Variants in GSPT1 observed in about 807,000 individuals in gnomAD.
GSPT1 encodes G1 to S phase transition 1.
In GSPT1, 20 loss-of-function variants were observed where a neutral mutation model predicts 72.5. That is an observed-to-expected ratio of 0.28 (90% CI 0.19 to 0.40). GSPT1 has a LOEUF of 0.40. Among genes scored for constraint, GSPT1 ranks in the 10% least tolerant of loss-of-function variants. GSPT1 has a pLI of 1.00. For synonymous variants in GSPT1, 334 were observed against 293.5 expected (o/e 1.14, Z -1.41); for missense variants, 580 against 811.9 (o/e 0.71, Z 3.47).
intron 4 of GSPT1, among the ~76,000 whole-genome samples, chr16:11,895,777 C>A (rs557356865): frequency 1.3e-5 from 2 of 152,170 alleles, no homozygotes; most frequent in African/African-American, 4.8e-5. Context: ...CAGGCTCATG[C>A]CACCACACCT....
intron 10 of GSPT1, among the ~76,000 whole-genome samples, chr16:11,883,652 C>T (rs982809071): frequency 3.3e-5 from 5 of 150,344 alleles, no homozygotes; most frequent in Admixed American, 6.7e-5. Context: ...CAGTGGCTCA[C>T]GCCTGTAATC....
intron 1 of GSPT1, among the ~76,000 whole-genome samples, chr16:11,906,890 A>T (rs540136680): frequency 6.6e-6 from 1 of 152,294 alleles, no homozygotes; most frequent in South Asian, 2.1e-4. Context: ...CCCATCTCTG[A>T]ACAAAAATTT....
chr16:11,893,272 T>C (rs2054293082), intron 5 of GSPT1, among the ~76,000 whole-genome samples: 1 of 152,052 alleles, frequency 6.6e-6, no homozygotes, highest in Non-Finnish European at 1.5e-5. Flanking sequence ...AGACCCTGTC[T>C]CTTAAAATAA....
At chr16:11,903,613 G>C (rs1396870510) in intron 1 of GSPT1, among the ~76,000 whole-genome samples, 2 of 152,178 alleles carry the variant, frequency 1.3e-5, no homozygotes, top group African/African-American at 4.8e-5. Context: ...CTTGAACCCG[G>C]GAGGTGGAGG....
At chr16:11,891,368 AT>A (rs199882055) in intron 5 of GSPT1, among the ~76,000 whole-genome samples, 19 of 144,290 alleles carry the variant, frequency 1.3e-4, no homozygotes, top group South Asian at 4.2e-4. Context: ...ATATATATAT[AT>A]TTTTTTTTTT....
chr16:11,909,873 C>A (rs551708352), intron 1 of GSPT1, among the ~76,000 whole-genome samples: 1 of 152,098 alleles, frequency 6.6e-6, no homozygotes, highest in Admixed American at 6.6e-5. Context: ...TTACGGTGAG[C>A]CGAGTTAGGG....
intron 5 of GSPT1, among the ~76,000 whole-genome samples, chr16:11,894,135 G>C (rs2054304313): frequency 9.2e-6 from 1 of 108,352 alleles, no homozygotes. Flanking sequence ...CAGCCTTGGT[G>C]ACAGAATGAG....
At chr16:11,879,950 C>T (rs1315884578) in intron 11 of GSPT1, among the ~76,000 whole-genome samples, 5 of 152,076 alleles carry the variant, frequency 3.3e-5, no homozygotes. Context: ...AAATATTGTA[C>T]AACCAATATT....
chr16:11,888,946 C>A (rs1407159087), intron 6 of GSPT1, among the ~76,000 whole-genome samples: 1 of 152,132 alleles, frequency 6.6e-6, no homozygotes, highest in Non-Finnish European at 1.5e-5. Flanking sequence ...CTTATTACTT[C>A]ATTTTTATAC....
chr16:11,870,561 T>C lies in GSPT1; in HGVS notation c.*2558A>G, dbSNP rs2053967375. On this transcript the variant is annotated 3_prime_UTR_variant, in exon 15 of 15. Transcript: ENST00000434724. ...ATTTGCAGAAAACAGAATGACAGCATAGGAATTTGTATTGCTCTATAACGG... is the reference window on the plus strand; with the variant it reads ...ATTTGCAGAAAACAGAATGACAGCACAGGAATTTGTATTGCTCTATAACGG... 1.3e-5 allele frequency: 2 copies of C among 152,220 alleles called. No individual in the cohort carries two copies. Among genetic ancestry groups the C allele is most frequent in the Admixed American group, 1.3e-4 (2 of 15,268 alleles). 9.4% of individuals were successfully genotyped at this position (152,220 alleles called of 1,614,324 possible).
Position 11,915,748 on chromosome 16 carries a change from C to G in GSPT1, c.-28G>C, listed in dbSNP as rs551379106. 9 of 1,544,876 alleles carry G rather than the reference C, an allele frequency of 5.8e-6. No homozygotes were observed. Among genetic ancestry groups the G allele is most frequent in the African/African-American group, 2.7e-5 (2 of 72,790 alleles). On this transcript the variant is annotated 5_prime_UTR_variant, in exon 1 of 15. Coordinates refer to ENST00000434724, the MANE Select transcript of GSPT1 (RefSeq NM_002094.4). ...TCGGGGGGGCCGTGTGTGTGGTGGA[C>G]AGAGAGCGGGAAATGGAGGCAGGGG... is the stretch of plus-strand genomic sequence containing the variant.
chr16:11,884,183 C>T (rs1002169558), intron 10 of GSPT1, among the ~76,000 whole-genome samples: 4 of 151,962 alleles, frequency 2.6e-5, no homozygotes, highest in Admixed American at 6.6e-5. Flanking sequence ...TTTTTTAAGA[C>T]GAACATCCAG....
Position 11,868,446 on chromosome 16 carries a change from C to G in GSPT1, c.*4673G>C, listed in dbSNP as rs938862202. On this transcript the variant is annotated 3_prime_UTR_variant, in exon 15 of 15. Transcript: ENST00000434724. The stretch of plus-strand genomic sequence containing the variant: ...CACTAAGTCCTGGCCTGAGAGATAC[C>G]CACATTTCCTTTAGAACAAACAGAA... 5 of 151,646 alleles carry G rather than the reference C, an allele frequency of 3.3e-5. No individual in the cohort carries two copies. The highest frequency in any genetic ancestry group is 1.5e-5 in the Non-Finnish European group (1 of 67,970). 9.4% of individuals were successfully genotyped at this position (151,646 alleles called of 1,614,324 possible).
chr16:11,916,183 A>C, upstream of GSPT1: 1 of 351,990 alleles, frequency 2.8e-6, no homozygotes, highest in South Asian at 2.0e-5. Flanking sequence ...AAGTTCAGGG[A>C]CAGGGCGCAA....
intron 1 of GSPT1, among the ~76,000 whole-genome samples, chr16:11,912,411 G>T (rs932144214): frequency 6.6e-6 from 1 of 151,498 alleles, no homozygotes; most frequent in African/African-American, 2.4e-5. Context: ...AGCAAATACG[G>T]AACACTACAA....
chr16:11,895,767 C>T (rs534303423), intron 4 of GSPT1, among the ~76,000 whole-genome samples: 9 of 152,298 alleles, frequency 5.9e-5, no homozygotes, highest in Admixed American at 2.6e-4. Context: ...GCTGGGATTA[C>T]AGGCTCATGC....
intron 4 of GSPT1, among the ~76,000 whole-genome samples, chr16:11,895,827 A>G (rs866453154): frequency 1.3e-5 from 2 of 152,170 alleles, no homozygotes; most frequent in Non-Finnish European, 2.9e-5. Flanking sequence ...GGGTTTCACC[A>G]TGTTGGCCAG....
chr16:11,899,763 G>T (rs1260911516), intron 1 of GSPT1, among the ~76,000 whole-genome samples: 4 of 152,108 alleles, frequency 2.6e-5, no homozygotes, highest in Admixed American at 2.6e-4. Flanking sequence ...CAAGTTCACA[G>T]GCCACCCTAA....
rs140995097 is a variant in GSPT1, at chr16:11,881,655, C to CTTTTTTTTTTTTTTTTTTTTT, written c.1428+1359_1428+1360insAAAAAAAAAAAAAAAAAAAAA. The CTTTTTTTTTTTTTTTTTTTTT allele has an allele frequency of 3.3e-4, 31 of 92,748 alleles. 2 individuals are homozygous for CTTTTTTTTTTTTTTTTTTTTT. The highest frequency in any genetic ancestry group is 1.2e-3 in the African/African-American group (31 of 25,528). 5.7% of individuals were successfully genotyped at this position (92,748 alleles called of 1,614,324 possible). A position where few individuals can be genotyped will look rare whatever the true frequency, so the allele number is the denominator to read the frequency against. ...ACCAAGCTGCCTTACACTTCCATAG[C>CTTTTTTTTTTTTTTTTTTTTT]TTTTTTTTTTTTTTTTTTAGTAAAG... On this transcript the variant is annotated intron_variant, in intron 11 of 14. Transcript: ENST00000434724.
Sources: gnomAD v4.1 joint callset for allele counts (sites outside exome capture counted in the v4.1 genomes callset) on GRCh38, gnomAD v4.1.1 for gene constraint, MANE v1.5 for transcripts, NCBI Gene and HGNC (gene_info 2026-07-23, HGNC 2026-07-21) for gene names.